Variants in ZNF496 observed in about 807,000 individuals in gnomAD.
ZNF496 encodes the protein zinc finger protein 496.
ZNF496 carries 11 observed loss-of-function variants against 58.9 expected under a neutral mutation model. The ratio of observed to expected loss-of-function variants is 0.19; its 90% CI spans 0.12 to 0.31. The LOEUF (loss-of-function observed/expected upper bound fraction) is 0.31. Ranked by LOEUF, ZNF496 falls within the 10% of genes least tolerant of loss-of-function variation. ZNF496 has a pLI of 1.00. For missense variants in ZNF496, 660 were observed against 783.0 expected (o/e 0.84, Z 1.88); for synonymous variants, 338 against 318.2 (o/e 1.06, Z -0.66).
In ZNF496 at chr1:247,309,893, G is replaced by T; in HGVS notation, c.785-87C>A. 1 of 1,496,808 alleles carries T rather than the reference G, an allele frequency of 6.7e-7. No individual in the cohort carries two copies. The highest frequency in any genetic ancestry group is 9.1e-7 in the Non-Finnish European group (1 of 1,097,408). The allele number at this position is 1,496,808 out of a possible 1,614,324, so 92.7% of individuals were successfully genotyped here. On this transcript the variant is annotated intron_variant, in intron 7 of 9. Coordinates refer to ENST00000682384, the MANE Select transcript of ZNF496 (RefSeq NM_032752.3). This position sits in a 1 kb window ranked among gnomAD's most constrained non-coding sequence, Gnocchi z 4.3. The stretch of plus-strand genomic sequence containing the variant: ...CTGGTCCAGAAGAGAGAAGGCGGAG[G>T]GATGCCCAGCGGGCATGGCACCATC...
rs762186440 is a variant in ZNF496 at position 247,308,447 on chromosome 1, A to G, written c.1006+28T>C. 35 of 1,598,738 alleles carry G rather than the reference A, an allele frequency of 2.2e-5. No individual in the cohort carries two copies. The highest frequency in any genetic ancestry group is 2.9e-5 in the Non-Finnish European group (34 of 1,166,070). On this transcript the variant is annotated intron_variant, in intron 9 of 9. Transcript: ENST00000682384. The surrounding 1 kb of genome is among the most constrained non-coding windows in gnomAD (Gnocchi z 4.5). ...GACACACCACAGACACACAGGGACA[A>G]ACCCATACCTCCCTGACCCTTCTTT... is the stretch of plus-strand genomic sequence containing the variant.
At chr1:247,307,534 A>G (rs4925619) in intron 9 of ZNF496, 118,590 of 985,108 alleles carry the variant, frequency 0.12, 7,494 homozygotes, top group Middle Eastern at 0.14. Context: ...TGAATGCATC[A>G]CTCTTGGCAC....
At position 247,320,442 on chromosome 1, in the gene ZNF496, A is replaced by C. The variant is rs1408564832; in HGVS notation, c.651+2712T>G. Among the ~76,000 whole-genome samples the C allele has an allele frequency of 2.0e-5, 3 of 151,926 alleles. No homozygotes were observed. The South Asian group carries it at 6.2e-4, about 31-fold the overall frequency. On this transcript the variant is annotated intron_variant, in intron 6 of 9. Coordinates refer to ENST00000682384, the MANE Select transcript of ZNF496 (RefSeq NM_032752.3). ...GAAATGAAATGACATCACAGAGCTG[A>C]AAAACAGATCAGTGGTTGCCAGAGG...
At position 247,328,916 on chromosome 1, in the gene ZNF496, C is replaced by G; in HGVS notation, c.391-50G>C. On this transcript the variant is annotated intron_variant, in intron 4 of 9. Coordinates refer to ENST00000682384, the MANE Select transcript of ZNF496 (RefSeq NM_032752.3). ...AGGGCTAGGGGAAGAGGTCCCATCTCTCCCTGGGCCTGGTGACCATCCACT... is the reference window on the plus strand; with the variant it reads ...AGGGCTAGGGGAAGAGGTCCCATCTGTCCCTGGGCCTGGTGACCATCCACT... 2.6e-6 allele frequency: 4 copies of G among 1,536,802 alleles called. No individual in the cohort carries two copies. In the African/African-American group the frequency reaches 4.1e-5, roughly 16 times the overall value.
chr1:247,301,209 G>A lies in ZNF496; in HGVS notation c.1074C>T (p.Ser358=). The A allele has an allele frequency of 6.4e-7, 1 of 1,559,194 alleles. No homozygotes were observed. Among genetic ancestry groups the A allele is most frequent in the Non-Finnish European group, 8.7e-7 (1 of 1,152,804 alleles). ...GCTGGGAGTCCTCGTCCCCAGAGCT[G>A]GAGAGAACGATCTCGATGGTCACTT... ...DEEVTIEIVL[S]SSGDEDSQHG... Residue 358 remains serine, a synonymous_variant, in exon 10 of 10, where the codon TCC becomes TCT. Coordinates refer to ENST00000682384, the MANE Select transcript of ZNF496 (RefSeq NM_032752.3).
In ZNF496 at chr1:247,299,032, G is replaced by C. The variant is rs1300709166; in HGVS notation, c.*1487C>G. ...AAACTTGGGTCTGAACCCTGCCTTT[G>C]ATGGAATTGTGAGCAAGCTCACTCA... On this transcript the variant is annotated 3_prime_UTR_variant, in exon 10 of 10. Coordinates refer to ENST00000682384, the MANE Select transcript of ZNF496 (RefSeq NM_032752.3). The C allele has an allele frequency of 6.6e-6, 1 of 152,202 alleles. No homozygotes were observed. The highest frequency in any genetic ancestry group is 1.5e-5 in the Non-Finnish European group (1 of 68,048). 9.4% of individuals were successfully genotyped at this position (152,202 alleles called of 1,614,324 possible).
chr1:247,301,426 G>T, intron 9 of ZNF496, 150 bp from the exon 10 acceptor site: 1 of 916,744 alleles, frequency 1.1e-6, no homozygotes, highest in Non-Finnish European at 1.6e-6. Context: ...CAGCCCTGCA[G>T]GGGCCACTGG....
At position 247,300,932 on chromosome 1, in the gene ZNF496, C is replaced by A. The variant is rs759308755; in HGVS notation, c.1351G>T (p.Asp451Tyr). Residue 451 changes from aspartate to tyrosine, a missense_variant, in exon 10 of 10, where the codon GAT becomes TAT. Asp to Tyr is a radical substitution (Grantham distance 160). Transcript: ENST00000682384. This position sits in a 1 kb window ranked among gnomAD's most constrained non-coding sequence, Gnocchi z 5.7. ...GELFSDSEDLDGHLESHEAQK... is the reference protein window; with the variant it reads ...GELFSDSEDLYGHLESHEAQK... ...GCCTCGTGGCTCTCTAGGTGCCCATCCAGGTCCTCGCTGTCGCTGAACAGC... is the reference window on the plus strand; with the variant it reads ...GCCTCGTGGCTCTCTAGGTGCCCATACAGGTCCTCGCTGTCGCTGAACAGC... The A allele has an allele frequency of 6.2e-6, 10 of 1,613,656 alleles. No homozygotes were observed.
chr1:247,301,343 C>T (rs753729304), intron 9 of ZNF496, 67 bp from the exon 10 acceptor site: 28 of 1,468,774 alleles, frequency 1.9e-5, no homozygotes, highest in Admixed American at 1.2e-4. Flanking sequence ...ATGACCGCGG[C>T]GGAGGAACAC....
chr1:247,308,097 C>T lies in ZNF496; in HGVS notation c.1006+378G>A, dbSNP rs1659472551. The stretch of plus-strand genomic sequence containing the variant: ...CAGCACCCTGCTTTGACACACCCTC[C>T]CCGGCCCCTGGGAAAGGCAAGGAGG... On this transcript the variant is annotated intron_variant, in intron 9 of 9. Transcript: ENST00000682384. The surrounding 1 kb of genome is among the most constrained non-coding windows in gnomAD (Gnocchi z 4.5). 21 of 886,488 alleles carry T rather than the reference C, an allele frequency of 2.4e-5. No individual in the cohort carries two copies. Among genetic ancestry groups the T allele is most frequent in the Non-Finnish European group, 2.4e-5 (18 of 739,526 alleles). 54.9% of individuals were successfully genotyped at this position (886,488 alleles called of 1,614,324 possible).
intron 6 of ZNF496, among the ~76,000 whole-genome samples, chr1:247,317,097 G>A (rs1052718516): frequency 3.9e-5 from 6 of 152,156 alleles, no homozygotes; most frequent in Non-Finnish European, 8.8e-5. Flanking sequence ...ATCTTCAGAG[G>A]AGATTTTTCT....
Position 247,309,759 on chromosome 1 carries a change from G to A in ZNF496, c.832C>T (p.Pro278Ser). 1 of 1,614,200 alleles carries A rather than the reference G, an allele frequency of 6.2e-7. No homozygotes were observed. The highest frequency in any genetic ancestry group is 8.5e-7 in the Non-Finnish European group (1 of 1,180,048). The change falls in exon 8 of 10, where the codon CCA becomes TCA. Residue 278 changes from proline (P) to serine (S), a missense_variant. Transcript: ENST00000682384. This position sits in a 1 kb window ranked among gnomAD's most constrained non-coding sequence, Gnocchi z 4.3. ...PDLSQGEENE[P>S]RVPELQDLQG... ...AGATCCTGCAACTCTGGAACGCGTG[G>A]CTCATTCTCCTCTCCCTGGGAGAGA...
intron 6 of ZNF496, 32 bp downstream of exon 6, chr1:247,323,122 G>A (rs1163390613): frequency 6.3e-7 from 1 of 1,591,572 alleles, no homozygotes; most frequent in African/African-American, 1.3e-5. Flanking sequence ...GCAAACAGGG[G>A]ATTTTCAAGG....
chr1:247,316,059 G>T (rs1302470110), intron 6 of ZNF496, among the ~76,000 whole-genome samples: 1 of 101,328 alleles, frequency 9.9e-6, no homozygotes, highest in East Asian at 2.6e-4. Context: ...TTCTTAAATG[G>T]GGAAAAAATG....
intron 9 of ZNF496, among the ~76,000 whole-genome samples, chr1:247,302,943 G>A (rs1405786269): frequency 6.6e-6 from 1 of 152,166 alleles, no homozygotes; most frequent in Admixed American, 6.5e-5. Flanking sequence ...AAGTGACAAG[G>A]TGGACCGCTA....
chr1:247,311,640 C>T (rs895950262), intron 6 of ZNF496: 1 of 152,194 alleles, frequency 6.6e-6, no homozygotes, highest in East Asian at 1.9e-4. Context: ...ATGCTGTGCT[C>T]CCCAGGCCCA....
chr1:247,303,607 T>A (rs184224358), intron 9 of ZNF496, among the ~76,000 whole-genome samples: 83 of 152,310 alleles, frequency 5.4e-4, no homozygotes, highest in African/African-American at 1.8e-3. Context: ...CAAACCATAT[T>A]CAACTGTTCT....
rs6674425 is a variant in ZNF496, at chr1:247,329,729, C to G, written c.-37-114G>C. Reference sequence around the variant, plus strand: ...TCAGAGACCAGCCCTTTGGAGAAGCCCTGGGAAAGGTAGGGAGTGTTGGTG... The same window carrying G: ...TCAGAGACCAGCCCTTTGGAGAAGCGCTGGGAAAGGTAGGGAGTGTTGGTG... On this transcript the variant is annotated intron_variant, in intron 3 of 9. Coordinates refer to ENST00000682384, the MANE Select transcript of ZNF496 (RefSeq NM_032752.3). This position sits in a 1 kb window ranked among gnomAD's most constrained non-coding sequence, Gnocchi z 5.5. 0.37 allele frequency: 367,277 copies of G among 987,946 alleles called. 71,138 individuals carry two copies. The highest frequency in any genetic ancestry group is 0.52 in the East Asian group (20,030 of 38,718). The allele number at this position is 987,946 out of a possible 1,614,324, so 61.2% of individuals were successfully genotyped here.
chr1:247,330,946 G>A (rs1175574091), intron 2 of ZNF496, among the ~76,000 whole-genome samples: 2 of 152,368 alleles, frequency 1.3e-5, no homozygotes, highest in East Asian at 3.9e-4. Context: ...CCATATGGGG[G>A]CCGTGGCGGC....
Sources: gnomAD v4.1 joint callset for allele counts (sites outside exome capture counted in the v4.1 genomes callset) on GRCh38, gnomAD v4.1.1 for gene constraint, Gnocchi (gnomAD v3.1) non-coding constraint, MANE v1.5 for transcripts, NCBI Gene and HGNC (gene_info 2026-07-23, HGNC 2026-07-21) for gene names.